SLC20A1: variants seen among roughly 807,000 people sequenced by gnomAD.
The protein encoded by SLC20A1 is sodium-dependent phosphate transporter 1.
In SLC20A1, 28 loss-of-function variants were observed where a neutral mutation model predicts 62.7. That is an observed-to-expected ratio of 0.45 (90% CI 0.33 to 0.61). The LOEUF (loss-of-function observed/expected upper bound fraction) is 0.61, where lower values mean the gene tolerates loss of function less well. Among genes scored for constraint, SLC20A1 ranks in the 20% least tolerant of loss-of-function variants. The pLI is 0.02. For synonymous variants in SLC20A1, 305 were observed against 302.9 expected (o/e 1.01, Z -0.07); for missense variants, 673 against 838.6 (o/e 0.80, Z 2.44).
At chr2:112,660,239 C>G in intron 8 of SLC20A1, 148 bp from the exon 9 acceptor site, 1 of 702,542 alleles carries the variant, frequency 1.4e-6, no homozygotes, top group South Asian at 1.8e-5. Context: ...GTTGGGGTTC[C>G]ATTTATGTCT....
rs1229635310 is a variant in SLC20A1 at position 112,647,482 on chromosome 2, C to A, written c.475+18C>A. On this transcript the variant is annotated intron_variant, in intron 3 of 10. Coordinates refer to ENST00000272542, the MANE Select transcript of SLC20A1 (RefSeq NM_005415.5). Reference sequence around the variant, plus strand: ...AAAAATTGGTATGTTTAATTCCAAACGGCTTCTTAATTTTCGTTTTCGTCA... The same window carrying A: ...AAAAATTGGTATGTTTAATTCCAAAAGGCTTCTTAATTTTCGTTTTCGTCA... 2.5e-6 allele frequency: 4 copies of A among 1,604,454 alleles called. No homozygotes were observed. In the African/African-American group the frequency reaches 4.1e-5, roughly 16 times the overall value.
In SLC20A1 at chr2:112,661,298, G is replaced by C. The variant is rs1686742160; in HGVS notation, c.1878+72G>C. On this transcript the variant is annotated intron_variant, in intron 10 of 10. Coordinates refer to ENST00000272542, the MANE Select transcript of SLC20A1 (RefSeq NM_005415.5). Reference sequence around the variant, plus strand: ...GTAGGGTTTTTAGTTTTACTTCTCTGATACTTTGATTTAGAAAGTTTTGTG... The same window carrying C: ...GTAGGGTTTTTAGTTTTACTTCTCTCATACTTTGATTTAGAAAGTTTTGTG... The C allele has an allele frequency of 2.6e-5, 31 of 1,174,010 alleles. No individual in the cohort carries two copies. The South Asian group carries it at 3.4e-4, about 13-fold the overall frequency. The allele number at this position is 1,174,010 out of a possible 1,614,324, so 72.7% of individuals were successfully genotyped here. A position where few individuals can be genotyped will look rare whatever the true frequency, so the allele number is the denominator to read the frequency against.
rs1686782106 is a variant in SLC20A1, at chr2:112,662,608, A to G, written c.1879-256A>G. ...AAATAAATAAATAAAAGCAGTATAT[A>G]TTCATTAAATTTTAGCAGTAGCTGA... On this transcript the variant is annotated intron_variant, in intron 10 of 10. Coordinates refer to ENST00000272542, the MANE Select transcript of SLC20A1 (RefSeq NM_005415.5). Among the ~76,000 whole-genome samples, 4 of 152,316 alleles carry G rather than the reference A, an allele frequency of 2.6e-5. No homozygotes were observed. In the Middle Eastern group the frequency reaches 0.01, roughly 389 times the overall value.
At chr2:112,653,497 G>A (rs1473115067) in intron 5 of SLC20A1, 1 of 156,402 alleles carries the variant, frequency 6.4e-6, no homozygotes, top group East Asian at 1.9e-4. Flanking sequence ...TGGCCTGATG[G>A]TCTGTGACTA....
Position 112,657,191 on chromosome 2 carries a change from C to G in SLC20A1, c.728C>G (p.Ala243Gly). 6.2e-7 allele frequency: 1 copy of G among 1,612,664 alleles called. No individual in the cohort carries two copies. The highest frequency in any genetic ancestry group is 1.7e-5 in the Admixed American group (1 of 59,894). The change falls in exon 6 of 11, where the codon GCC becomes GGC. Residue 243 changes from alanine (A) to glycine (G), a missense_variant. Transcript: ENST00000272542. The stretch of plus-strand genomic sequence containing the variant: ...TCGGTGGGATGTGCAGTTTTCTGTG[C>G]CCTTATCGTCTGGTTCTTTGTATGT... ...LISVGCAVFC[A>G]LIVWFFVCPR...
At chr2:112,654,918 AAAAC>A (rs543335724) in intron 5 of SLC20A1, among the ~76,000 whole-genome samples, 124 of 150,892 alleles carry the variant, frequency 8.2e-4, no homozygotes, top group African/African-American at 2.9e-3. Flanking sequence ...AAAAAGTTCA[AAAAC>A]AAAAAAAGTT....
chr2:112,652,732 T>C lies in SLC20A1; in HGVS notation c.592T>C (p.Leu198=). ...ADPVPNGLRA[L]PVFYACTVGI... ...TCCAGTTCCTAATGGTTTGCGAGCT[T>C]TGCCAGTTTTCTATGCCTGCACAGT... The change falls in exon 5 of 11, where the codon TTG becomes CTG. Residue 198 remains leucine, a synonymous_variant. Transcript: ENST00000272542. The C allele has an allele frequency of 6.2e-7, 1 of 1,614,170 alleles. No individual in the cohort carries two copies. The highest frequency in any genetic ancestry group is 8.5e-7 in the Non-Finnish European group (1 of 1,179,990).
intron 10 of SLC20A1, 94 bp from the exon 11 acceptor site, chr2:112,662,770 C>T: frequency 7.6e-7 from 1 of 1,312,076 alleles, no homozygotes. Context: ...GTCCAGGGGT[C>T]TGGGGCTCCT....
At chr2:112,657,657 GCTT>G (rs1306167991) in intron 6 of SLC20A1, among the ~76,000 whole-genome samples, 3 of 152,182 alleles carry the variant, frequency 2.0e-5, no homozygotes, top group African/African-American at 7.2e-5. Flanking sequence ...TACCCCAACT[GCTT>G]CTGTGTATAA....
chr2:112,651,438 C>G (rs775370284), intron 4 of SLC20A1, among the ~76,000 whole-genome samples: 2 of 151,194 alleles, frequency 1.3e-5, no homozygotes, highest in East Asian at 1.9e-4. Context: ...GAGTCTTACT[C>G]TGTTGCCCAG....
In SLC20A1 at chr2:112,663,545, A is replaced by T. The variant is rs535525736; in HGVS notation, c.*520A>T. ...CCTCCTGTCAGTAGTGGCAGGATCT[A>T]TTGGCATATTCGGGAGCTTCTTAGA... On this transcript the variant is annotated 3_prime_UTR_variant, in exon 11 of 11. Coordinates refer to ENST00000272542, the MANE Select transcript of SLC20A1 (RefSeq NM_005415.5). 5.4e-6 allele frequency: 1 copy of T among 186,140 alleles called. No homozygotes were observed. Among genetic ancestry groups the T allele is most frequent in the African/African-American group, 2.4e-5 (1 of 41,760 alleles). The allele number at this position is 186,140 out of a possible 1,614,324, so 11.5% of individuals were successfully genotyped here.
Position 112,657,128 on chromosome 2 carries a change from G to A in SLC20A1, c.665G>A (p.Gly222Asp), listed in dbSNP as rs1204114682. 3.1e-6 allele frequency: 5 copies of A among 1,613,892 alleles called. No homozygotes were observed. Reference sequence around the variant, plus strand: ...GCACCATTTTATCTCCTAGTGCTGGGCTTTGACAAACTTCCTCTGTGGGGT... The same window carrying A: ...GCACCATTTTATCTCCTAGTGCTGGACTTTGACAAACTTCCTCTGTGGGGT... ...SIMYTGAPLLGFDKLPLWGTI... is the reference protein window; with the variant it reads ...SIMYTGAPLLDFDKLPLWGTI... Residue 222 changes from glycine to aspartate, a missense_variant, in exon 6 of 11, where the codon GGC becomes GAC. Transcript: ENST00000272542.
At chr2:112,653,150 ATCAG>A (rs1199648659) in intron 5 of SLC20A1, 4 of 360,188 alleles carry the variant, frequency 1.1e-5, no homozygotes, top group Non-Finnish European at 2.1e-5. Context: ...ATCTTCAGTA[ATCAG>A]TCATTTAGGA....
At chr2:112,656,298 G>A (rs1322078950) in intron 5 of SLC20A1, among the ~76,000 whole-genome samples, 1 of 147,452 alleles carries the variant, frequency 6.8e-6, no homozygotes, top group Non-Finnish European at 1.5e-5. Flanking sequence ...CCAGGTTCAA[G>A]TGATTCTCCC....
rs753787301 is a variant in SLC20A1, at chr2:112,646,846, C to CAGT, written c.20_22dup (p.Ser7dup). The CAGT allele has an allele frequency of 5.6e-6, 9 of 1,608,560 alleles. No individual in the cohort carries two copies. In the African/African-American group the frequency reaches 9.4e-5, roughly 17 times the overall value. On this transcript the variant is annotated inframe_insertion, in exon 2 of 11. Coordinates refer to ENST00000272542, the MANE Select transcript of SLC20A1 (RefSeq NM_005415.5). ...TCCAGAGAATGGCAACGCTGATTACCAGTACTACAGCTGCTACCGCCGCTT... is the reference window on the plus strand; with the variant it reads ...TCCAGAGAATGGCAACGCTGATTACCAGTAGTACTACAGCTGCTACCGCCGCTT...
In SLC20A1 at chr2:112,656,957, T is replaced by C; in HGVS notation, c.659-165T>C. On this transcript the variant is annotated intron_variant, in intron 5 of 10. Coordinates refer to ENST00000272542, the MANE Select transcript of SLC20A1 (RefSeq NM_005415.5). ...TGATCATTGAGTTTTTCTCCCAAAT[T>C]TGTATAGGCACTAGCACAGTAATCC... The C allele has an allele frequency of 3.7e-5, 30 of 807,548 alleles. No homozygotes were observed. In the South Asian group the frequency reaches 4.3e-4, roughly 11 times the overall value. 50.0% of individuals were successfully genotyped at this position (807,548 alleles called of 1,614,324 possible).
In SLC20A1 at chr2:112,653,081, A is replaced by G. The variant is rs74909263; in HGVS notation, c.658+283A>G. On this transcript the variant is annotated intron_variant, in intron 5 of 10. Transcript: ENST00000272542. ...TCATCTCCTTCCCTTTCTCCTGTCT[A>G]TGCTAAAAATGCTGGAATTAATACT... 2,327 of 570,422 alleles carry G rather than the reference A, an allele frequency of 4.1e-3. 46 individuals are homozygous for G. Among genetic ancestry groups the G allele is most frequent in the African/African-American group, 0.039 (2,091 of 52,992 alleles). 35.3% of individuals were successfully genotyped at this position (570,422 alleles called of 1,614,324 possible). A position where few individuals can be genotyped will look rare whatever the true frequency, so the allele number is the denominator to read the frequency against.
intron 4 of SLC20A1, among the ~76,000 whole-genome samples, chr2:112,648,504 C>G (rs1360948003): frequency 6.6e-6 from 1 of 152,166 alleles, no homozygotes; most frequent in Non-Finnish European, 1.5e-5. Flanking sequence ...ATTGTAAGTT[C>G]TTAAAAGTGT....
At chr2:112,651,327 G>C (rs1404278093) in intron 4 of SLC20A1, among the ~76,000 whole-genome samples, 2 of 152,052 alleles carry the variant, frequency 1.3e-5, no homozygotes, top group African/African-American at 4.8e-5. Context: ...TTGTGATCAA[G>C]ATAACATTAA....
Sources: allele counts gnomAD v4.1 joint callset (sites outside exome capture counted in the v4.1 genomes callset), GRCh38; gene constraint gnomAD v4.1.1; transcripts MANE v1.5; gene names NCBI Gene and HGNC (gene_info 2026-07-23, HGNC 2026-07-21).